GALNT13: variants seen among roughly 807,000 people sequenced by gnomAD.
GALNT13 encodes the protein UDP-GalNAc:polypeptide N-acetylgalactosaminyltransferase 13.
Under a neutral mutation model 64.2 loss-of-function variants are expected in GALNT13, and 28 were observed. The observed-to-expected ratio is 0.44, with a 90% CI of 0.32 to 0.60. GALNT13 has a LOEUF of 0.60. GALNT13 is among the 20% of genes least tolerant of loss of function. The pLI, the probability that GALNT13 is intolerant of heterozygous loss-of-function variation, is 0.05. For synonymous variants in GALNT13, 214 were observed against 224.6 expected, an observed-to-expected ratio of 0.95 and a Z score of 0.42; for missense variants, 577 against 669.8, an observed-to-expected ratio of 0.86 and a Z score of 1.53.
At chr2:153,548,560 A>G in the GALNT13 span, among the ~76,000 whole-genome samples, 1 of 152,124 alleles carries the variant, frequency 6.6e-6, no homozygotes, top group Admixed American at 6.5e-5. Flanking sequence ...TGACCTAACT[A>G]CCTTAGACTA....
the GALNT13 span, among the ~76,000 whole-genome samples, chr2:153,809,985 C>CA: frequency 6.6e-6 from 1 of 152,046 alleles, no homozygotes; most frequent in African/African-American, 2.4e-5. Flanking sequence ...TGTTTTGAGA[C>CA]AGAGTTGCTC....
chr2:153,889,885 T>C (rs1687438455), intron 1 of GALNT13, among the ~76,000 whole-genome samples: 1 of 151,954 alleles, frequency 6.6e-6, no homozygotes, highest in South Asian at 2.1e-4. Context: ...TTCATGCTCA[T>C]GGCATGCAAT....
chr2:154,225,468 A>T, intron 4 of GALNT13, among the ~76,000 whole-genome samples: 1 of 152,152 alleles, frequency 6.6e-6, no homozygotes, highest in South Asian at 2.1e-4. Flanking sequence ...ATATGAATTT[A>T]CCTTTCATTC....
the GALNT13 span, among the ~76,000 whole-genome samples, chr2:153,493,514 A>G: frequency 1.3e-5 from 2 of 152,028 alleles, no homozygotes; most frequent in African/African-American, 4.8e-5. Context: ...TTACTCAGAA[A>G]TTTTCACATG....
the GALNT13 span, among the ~76,000 whole-genome samples, chr2:153,554,580 A>AC: frequency 9.9e-4 from 150 of 152,240 alleles, no homozygotes; most frequent in African/African-American, 3.4e-3. Context: ...TAAGTTGTAG[A>AC]CCAAGCACTG....
At position 154,282,582 on chromosome 2, in the gene GALNT13, A is replaced by C. The variant is rs972601034; in HGVS notation, c.976-18827A>C. 1.1e-4 allele frequency among the ~76,000 whole-genome samples: 16 copies of C among 151,856 alleles called. 1 individual carries two copies. Among genetic ancestry groups the C allele is most frequent in the Admixed American group, 1.0e-3 (16 of 15,244 alleles). ...TCTTCTGCATGTGAGTTTTCTAAGG[A>C]CTCTCCAGATTAAATGACTTGTTCC... is the stretch of plus-strand genomic sequence containing the variant. On this transcript the variant is annotated intron_variant, in intron 8 of 12. Coordinates refer to ENST00000392825, the MANE Select transcript of GALNT13 (RefSeq NM_052917.4).
intron 4 of GALNT13, among the ~76,000 whole-genome samples, chr2:154,198,501 T>A (rs1298447162): frequency 6.6e-6 from 1 of 152,024 alleles, no homozygotes; most frequent in Non-Finnish European, 1.5e-5. Flanking sequence ...ATAGTTAAAG[T>A]AAGTTTTTTC....
chr2:154,284,055 A>G (rs1262201206), intron 8 of GALNT13, among the ~76,000 whole-genome samples: 1 of 152,198 alleles, frequency 6.6e-6, no homozygotes, highest in Non-Finnish European at 1.5e-5. Flanking sequence ...ATCTGTGTAT[A>G]CATTATAGAG....
At chr2:153,646,805 A>G in the GALNT13 span, among the ~76,000 whole-genome samples, 2 of 152,076 alleles carry the variant, frequency 1.3e-5, no homozygotes, top group Non-Finnish European at 2.9e-5. Context: ...CTCATTTTTT[A>G]TGGCTGCATA....
the GALNT13 span, among the ~76,000 whole-genome samples, chr2:153,861,814 G>A: frequency 1.4e-4 from 22 of 152,152 alleles, no homozygotes; most frequent in African/African-American, 3.9e-4. Flanking sequence ...GACCTCAGGT[G>A]GTGATCTGTC....
the GALNT13 span, among the ~76,000 whole-genome samples, chr2:153,391,725 G>A: frequency 0.14 from 20,680 of 151,830 alleles, 1,476 homozygotes; most frequent in Non-Finnish European, 0.15. Context: ...TAAGAAATTC[G>A]AGAGGTGTTT....
chr2:153,894,238 AC>A (rs1352746759), intron 1 of GALNT13, among the ~76,000 whole-genome samples: 3 of 152,102 alleles, frequency 2.0e-5, no homozygotes, highest in African/African-American at 7.2e-5. Flanking sequence ...ATCTCTCGAG[AC>A]CCCACTTGAG....
chr2:153,727,229 G>T, the GALNT13 span, among the ~76,000 whole-genome samples: 2,270 of 152,244 alleles, frequency 0.015, 57 homozygotes, highest in African/African-American at 0.052. Flanking sequence ...CTGTTTGGGA[G>T]CTTTGCCTGA....
At chr2:153,723,393 C>G in the GALNT13 span, among the ~76,000 whole-genome samples, 1 of 150,346 alleles carries the variant, frequency 6.7e-6, no homozygotes, top group African/African-American at 2.5e-5. Context: ...AAAACGGGCA[C>G]AAGACAGGGA....
At chr2:153,113,802 AT>A in the GALNT13 span, among the ~76,000 whole-genome samples, 1 of 152,198 alleles carries the variant, frequency 6.6e-6, no homozygotes, top group South Asian at 2.1e-4. Flanking sequence ...CTCATTTCTT[AT>A]TTGGGGAAAA....
the GALNT13 span, chr2:153,478,367 G>A: frequency 6.2e-7 from 1 of 1,613,464 alleles, no homozygotes; most frequent in East Asian, 2.2e-5. Flanking sequence ...ACCACGGTGA[G>A]TGAGAGCACG....
intron 9 of GALNT13, among the ~76,000 whole-genome samples, chr2:154,386,155 G>A (rs799795): frequency 0.39 from 59,277 of 151,674 alleles, 11,817 homozygotes; most frequent in Middle Eastern, 0.46. Context: ...TCACCAAGAC[G>A]ATGAGTATTG....
the GALNT13 span, among the ~76,000 whole-genome samples, chr2:153,466,744 G>T: frequency 2.0e-5 from 3 of 151,996 alleles, no homozygotes; most frequent in Admixed American, 1.3e-4. Flanking sequence ...AGTTGTTTTA[G>T]ACTCAAATAC....
At chr2:153,659,549 A>G in the GALNT13 span, among the ~76,000 whole-genome samples, 29 of 152,284 alleles carry the variant, frequency 1.9e-4, no homozygotes, top group African/African-American at 6.7e-4. Flanking sequence ...TCAAATAAGT[A>G]TAGTACAAAA....
Sources: gnomAD v4.1 joint callset for allele counts (sites outside exome capture counted in the v4.1 genomes callset) on GRCh38, gnomAD v4.1.1 for gene constraint, MANE v1.5 for transcripts, NCBI Gene and HGNC (gene_info 2026-07-23, HGNC 2026-07-21) for gene names.